Variants in BFSP2 observed in about 807,000 individuals in gnomAD.
The protein encoded by BFSP2 is phakinin.
In BFSP2, 38 loss-of-function variants were observed where a neutral mutation model predicts 44.9. That is an observed-to-expected ratio of 0.85 (90% CI 0.65 to 1.11). BFSP2 has a LOEUF of 1.11. BFSP2 is among the 50% of genes least tolerant of loss of function. BFSP2 has a pLI of 0.00. For synonymous variants in BFSP2, 197 were observed against 209.9 expected, an observed-to-expected ratio of 0.94 and a Z score of 0.53; for missense variants, 525 against 533.0, an observed-to-expected ratio of 0.99 and a Z score of 0.15.
At chr3:133,435,235 T>TG (rs2073769836) in intron 1 of BFSP2, among the ~76,000 whole-genome samples, 1 of 152,206 alleles carries the variant, frequency 6.6e-6, no homozygotes, top group Admixed American at 6.5e-5. Flanking sequence ...AGTGAAGCTT[T>TG]CTCAGGTGTT....
At chr3:133,448,413 T>C in intron 2 of BFSP2, 76 bp from the exon 3 acceptor site, 4 of 1,562,922 alleles carry the variant, frequency 2.6e-6, no homozygotes, top group Non-Finnish European at 1.8e-6. Context: ...ATAATTGGCC[T>C]GTTGGTAACA....
chr3:133,430,576 T>G (rs998764473), intron 1 of BFSP2, among the ~76,000 whole-genome samples: 6 of 152,152 alleles, frequency 3.9e-5, no homozygotes, highest in African/African-American at 1.4e-4. Context: ...GCACTTTCAA[T>G]TTTTCCACCC....
rs2073357209 is a variant in BFSP2 at position 133,400,805 on chromosome 3, T to G, written c.489+233T>G. ...CTGTCTTCTTTAAACTTCAAAGAAA[T>G]GCTATGCAGTGGATCATTCACTGAT... On this transcript the variant is annotated intron_variant, in intron 1 of 6. Transcript: ENST00000302334. The surrounding 1 kb of genome is among the most constrained non-coding windows in gnomAD (Gnocchi z 4.0). 6.6e-6 allele frequency among the ~76,000 whole-genome samples: 1 copy of G among 152,228 alleles called. No individual in the cohort carries two copies. The highest frequency in any genetic ancestry group is 2.4e-5 in the African/African-American group (1 of 41,462).
intron 1 of BFSP2, among the ~76,000 whole-genome samples, chr3:133,411,369 A>G (rs1196854855): frequency 6.6e-6 from 1 of 151,946 alleles, no homozygotes. Flanking sequence ...ATTCCAGCTA[A>G]TAAAGAAAAA....
At chr3:133,430,516 C>T (rs1279111013) in intron 1 of BFSP2, among the ~76,000 whole-genome samples, 4 of 152,084 alleles carry the variant, frequency 2.6e-5, no homozygotes, top group East Asian at 1.9e-4. Context: ...TCTGCAATGC[C>T]GCTTGACCCC....
At position 133,472,500 on chromosome 3, in the gene BFSP2, C is replaced by G. The variant is rs759295288; in HGVS notation, c.1179C>G (p.Ala393=). 1 of 1,613,284 alleles carries G rather than the reference C, an allele frequency of 6.2e-7. No homozygotes were observed. The highest frequency in any genetic ancestry group is 8.5e-7 in the Non-Finnish European group (1 of 1,180,014). ...QQQQERAHLL[A]RKCQLQKDVA... Reference sequence around the variant, plus strand: ...AACAGGAGCGCGCGCATCTGCTGGCCCGCAAGTGCCAGCTGCAGAAGGACG... The same window carrying G: ...AACAGGAGCGCGCGCATCTGCTGGCGCGCAAGTGCCAGCTGCAGAAGGACG... Residue 393 remains alanine (A), a synonymous_variant, in exon 6 of 7, where the codon GCC becomes GCG. Coordinates refer to ENST00000302334, the MANE Select transcript of BFSP2 (RefSeq NM_003571.4).
intron 1 of BFSP2, among the ~76,000 whole-genome samples, chr3:133,423,132 A>G (rs2073607789): frequency 1.3e-5 from 2 of 152,196 alleles, no homozygotes; most frequent in African/African-American, 4.8e-5. Flanking sequence ...GAAGGAAGTC[A>G]GGAAGGCAAT....
chr3:133,442,472 T>C (rs1301126384), intron 1 of BFSP2, among the ~76,000 whole-genome samples: 2 of 151,996 alleles, frequency 1.3e-5, no homozygotes, highest in Non-Finnish European at 2.9e-5. Flanking sequence ...AGAGTTTTAA[T>C]TTAGTTTAAT....
chr3:133,445,046 C>T (rs927405799), intron 1 of BFSP2, among the ~76,000 whole-genome samples: 7 of 152,194 alleles, frequency 4.6e-5, no homozygotes, highest in South Asian at 2.1e-4. Context: ...CCTACAGTAG[C>T]GGCTGGTTTC....
At position 133,472,663 on chromosome 3, in the gene BFSP2, C is replaced by T. The variant is rs116439037; in HGVS notation, c.1244+98C>T. The T allele has an allele frequency of 4.1e-3, 5,912 of 1,457,362 alleles. 56 individuals are homozygous for T. The highest frequency in any genetic ancestry group is 0.03 in the African/African-American group (2,147 of 71,236). The allele number at this position is 1,457,362 out of a possible 1,614,324, so 90.3% of individuals were successfully genotyped here. Reference sequence around the variant, plus strand: ...ACTGTAGAAGTATTTAAGAAGAAATCACCCCAGACTTCCTCTCACATAGGC... The same window carrying T: ...ACTGTAGAAGTATTTAAGAAGAAATTACCCCAGACTTCCTCTCACATAGGC... On this transcript the variant is annotated intron_variant, in intron 6 of 6. Coordinates refer to ENST00000302334, the MANE Select transcript of BFSP2 (RefSeq NM_003571.4).
chr3:133,407,489 AT>A (rs146501411), intron 1 of BFSP2, among the ~76,000 whole-genome samples: 3 of 151,310 alleles, frequency 2.0e-5, no homozygotes, highest in African/African-American at 4.8e-5. Context: ...TTAAAATTCC[AT>A]TTTTTTTTCT....
intron 1 of BFSP2, among the ~76,000 whole-genome samples, chr3:133,411,453 A>G (rs2073452626): frequency 6.6e-6 from 1 of 152,182 alleles, no homozygotes; most frequent in Non-Finnish European, 1.5e-5. Context: ...TCAAATGGCT[A>G]TGACCTTCAC....
At position 133,467,322 on chromosome 3, in the gene BFSP2, G is replaced by A. The variant is rs116070175; in HGVS notation, c.1023+363G>A. On this transcript the variant is annotated intron_variant, in intron 5 of 6. Coordinates refer to ENST00000302334, the MANE Select transcript of BFSP2 (RefSeq NM_003571.4). ...CCCCCAAGGCTCAGCCAGTGACTAA[G>A]AGGGGGCTTTAAAATTAAAAGCCCA... Among the ~76,000 whole-genome samples the A allele has an allele frequency of 6.2e-3, 937 of 152,342 alleles. 15 individuals are homozygous for A. The highest frequency in any genetic ancestry group is 0.021 in the African/African-American group (873 of 41,574).
intron 1 of BFSP2, among the ~76,000 whole-genome samples, chr3:133,407,100 T>C (rs1263134340): frequency 6.6e-6 from 1 of 151,992 alleles, no homozygotes; most frequent in African/African-American, 2.4e-5. Flanking sequence ...AAATAAATGC[T>C]GCTGGGCATG....
Position 133,451,873 on chromosome 3 carries a change from CCA to C in BFSP2, c.891+1411_891+1412del, listed in dbSNP as rs1318059152. On this transcript the variant is annotated intron_variant, in intron 4 of 6. Coordinates refer to ENST00000302334, the MANE Select transcript of BFSP2 (RefSeq NM_003571.4). ...GGTTTGTTCTTCCCTTCTCCATCTC[CCA>C]CCCATTTCTGACTTTGTAATCTTGA... is the stretch of plus-strand genomic sequence containing the variant. Among the ~76,000 whole-genome samples the C allele has an allele frequency of 2.6e-5, 4 of 152,112 alleles. No homozygotes were observed. The East Asian group carries it at 7.7e-4, about 29-fold the overall frequency.
chr3:133,422,819 G>A (rs887108138), intron 1 of BFSP2, among the ~76,000 whole-genome samples: 15 of 152,074 alleles, frequency 9.9e-5, no homozygotes, highest in Admixed American at 5.2e-4. Flanking sequence ...GAAACTGTCC[G>A]GACAGGGGGG....
At chr3:133,436,997 G>A (rs1426905020) in intron 1 of BFSP2, among the ~76,000 whole-genome samples, 1 of 152,148 alleles carries the variant, frequency 6.6e-6, no homozygotes, top group East Asian at 1.9e-4. Flanking sequence ...TCTTAATCCA[G>A]TCTATCATTG....
intron 1 of BFSP2, among the ~76,000 whole-genome samples, chr3:133,443,195 G>A (rs989132493): frequency 2.0e-5 from 3 of 152,158 alleles, no homozygotes; most frequent in African/African-American, 7.2e-5. Context: ...GACATGTTAA[G>A]TTTGAGATGT....
intron 1 of BFSP2, among the ~76,000 whole-genome samples, chr3:133,425,764 TGGGAAA>T (rs1375103131): frequency 4.7e-4 from 65 of 137,914 alleles, no homozygotes; most frequent in Non-Finnish European, 5.7e-4. Flanking sequence ...GACAAAGGGA[TGGGAAA>T]GGGAAAGGGA....
Sources: gnomAD v4.1 joint callset for allele counts (sites outside exome capture counted in the v4.1 genomes callset) on GRCh38, gnomAD v4.1.1 for gene constraint, Gnocchi (gnomAD v3.1) non-coding constraint, MANE v1.5 for transcripts, NCBI Gene and HGNC (gene_info 2026-07-23, HGNC 2026-07-21) for gene names.